The following CAPN6 variants were observed in gnomAD, a reference collection of about 807,000 sequenced individuals.
The protein encoded by CAPN6 is calpain 6, also known as calpain-6.
Under a neutral mutation model 46.0 loss-of-function variants are expected in CAPN6, and 16 were observed. The observed-to-expected ratio is 0.35, with a 90% confidence interval of 0.24 to 0.53. CAPN6 has a LOEUF of 0.53. Ranked by LOEUF, CAPN6 falls within the 20% of genes least tolerant of loss-of-function variation. CAPN6 has a pLI of 0.94. For synonymous variants in CAPN6, 206 were observed against 172.8 expected, an observed-to-expected ratio of 1.19 and a Z score of -1.51; for missense variants, 461 against 498.0, an observed-to-expected ratio of 0.93 and a Z score of 0.71.
chrX:111,252,598 C>T (rs989285198), intron 4 of CAPN6, 99 bp from the exon 5 acceptor site: 1 of 646,848 alleles, frequency 1.5e-6, no homozygotes, highest in Non-Finnish European at 2.3e-6. Context: ...TAGACTTTAC[C>T]AGATGGCTTT....
intron 1 of CAPN6, among the ~76,000 whole-genome samples, chrX:111,267,663 T>G (rs1156752258): frequency 4.5e-5 from 5 of 111,747 alleles, no homozygotes; most frequent in Non-Finnish European, 9.4e-5. Context: ...TGTCTGTGGT[T>G]CACAAGCCAC....
At chrX:111,256,626 C>T (rs997364248) in intron 2 of CAPN6, among the ~76,000 whole-genome samples, 1 of 111,322 alleles carries the variant, frequency 9.0e-6, no homozygotes, top group Non-Finnish European at 1.9e-5. Context: ...TTAGCCAACA[C>T]TTTTGGCATG....
Position 111,251,018 on chromosome X carries a change from G to A in CAPN6, c.1057C>T (p.Leu353=). 1 of 1,211,395 alleles carries A rather than the reference G, an allele frequency of 8.3e-7. No individual in the cohort carries two copies. Among genetic ancestry groups the A allele is most frequent in the Non-Finnish European group, 1.1e-6 (1 of 895,317 alleles). Residue 353 remains leucine, a synonymous_variant, in exon 8 of 13, where the codon CTG becomes TTG. Transcript: ENST00000324068. ...VNNPIFGRKE[L]ESVLGCWTVD... ...GTCCAGCATCCCAACACCGATTCCA[G>A]CTCCTTTCGGCCAAAAATAGGGTTG...
chrX:111,266,402 G>A (rs2094992026), intron 1 of CAPN6, among the ~76,000 whole-genome samples: 1 of 111,122 alleles, frequency 9.0e-6, no homozygotes, highest in African/African-American at 3.3e-5. Context: ...TAATGAGATG[G>A]TTGGTGTAAG....
rs1186766861 is a variant in CAPN6 at position 111,264,743 on chromosome X, A to G, written c.-15-792T>C. Among the ~76,000 whole-genome samples the G allele has an allele frequency of 8.1e-5, 9 of 110,688 alleles. No individual in the cohort carries two copies. In the Admixed American group the frequency reaches 8.6e-4, roughly 11 times the overall value. On this transcript the variant is annotated intron_variant, in intron 1 of 12. Transcript: ENST00000324068. ...AAAGGAGGAAAAACAAAAACCTTAC[A>G]TGGCTAAACAGAGAATTCATATAGT...
chrX:111,252,934 T>G, intron 4 of CAPN6, 74 bp downstream of exon 4: 6 of 890,738 alleles, frequency 6.7e-6, no homozygotes, highest in Non-Finnish European at 8.0e-6. Flanking sequence ...TGGGAGAGAA[T>G]GAGCTCCCAA....
At position 111,251,190 on chromosome X, in the gene CAPN6, T is replaced by C. The variant is rs2094979049; in HGVS notation, c.971+19A>G. On this transcript the variant is annotated intron_variant, in intron 7 of 12. Transcript: ENST00000324068. ...CATGTAGAAGCCCCAATTCCCTTAG[T>C]GCAGAAACCCCTCCTCACCAAAACT... is the stretch of plus-strand genomic sequence containing the variant. 2 of 1,205,616 alleles carry C rather than the reference T, an allele frequency of 1.7e-6. No individual in the cohort carries two copies. The highest frequency in any genetic ancestry group is 1.8e-5 in the South Asian group (1 of 56,402).
intron 2 of CAPN6, among the ~76,000 whole-genome samples, chrX:111,261,664 A>T (rs2094988027): frequency 1.8e-5 from 2 of 112,291 alleles, no homozygotes; most frequent in African/African-American, 6.5e-5. Context: ...GGCAAAGGAC[A>T]ATGGACTGAG....
At chrX:111,252,223 G>T in intron 5 of CAPN6, 84 bp downstream of exon 5, 1 of 796,711 alleles carries the variant, frequency 1.3e-6, no homozygotes, top group Non-Finnish European at 1.8e-6. Flanking sequence ...GGGTCTTCGG[G>T]TTAAGGGCGA....
At chrX:111,257,507 G>C (rs779377782) in intron 2 of CAPN6, among the ~76,000 whole-genome samples, 1 of 112,273 alleles carries the variant, frequency 8.9e-6, no homozygotes, top group South Asian at 3.7e-4. Flanking sequence ...GGCATTAAAA[G>C]ACTAGAAAGT....
Position 111,251,077 on chromosome X carries a change from T to A in CAPN6, c.998A>T (p.Asn333Ile), listed in dbSNP as rs748495687. The change falls in exon 8 of 13, where the codon AAC becomes ATC. Residue 333 changes from asparagine to isoleucine, a missense_variant. Asn to Ile is a moderately radical substitution (Grantham distance 149). Transcript: ENST00000324068. ...FWMSLEDFCR[N>I]FHKLNVCRNV... The stretch of plus-strand genomic sequence containing the variant: ...GCGGCAGACATTCAGTTTGTGAAAG[T>A]TGCGGCAAAAGTCCTCCAAGCTCAT... 1.1e-5 allele frequency: 13 copies of A among 1,211,022 alleles called. No homozygotes were observed. Among genetic ancestry groups the A allele is most frequent in the Non-Finnish European group, 1.5e-5 (13 of 895,388 alleles).
Position 111,267,403 on chromosome X carries a change from C to T in CAPN6, c.-16+2968G>A, listed in dbSNP as rs750449010. 6.3e-5 allele frequency among the ~76,000 whole-genome samples: 7 copies of T among 111,203 alleles called. No individual in the cohort carries two copies. The East Asian group carries it at 1.7e-3, about 27-fold the overall frequency. ...AAGAATATGAGGACAACCGTGTCTG[C>T]CAAGGCAAAGGATAGGAGCGGGCCC... On this transcript the variant is annotated intron_variant, in intron 1 of 12. Coordinates refer to ENST00000324068, the MANE Select transcript of CAPN6 (RefSeq NM_014289.4).
chrX:111,264,024 AAAC>A (rs1483582282), intron 1 of CAPN6, 73 bp from the exon 2 acceptor site: 2 of 672,665 alleles, frequency 3.0e-6, no homozygotes, highest in East Asian at 7.1e-5. Flanking sequence ...GAGATTAGAC[AAAC>A]AGCCGTCATC....
chrX:111,245,468 A>G lies in CAPN6; in HGVS notation c.*1109T>C, dbSNP rs1025382773. On this transcript the variant is annotated 3_prime_UTR_variant, in exon 13 of 13. Transcript: ENST00000324068. Reference sequence around the variant, plus strand: ...GTACTGAAAAATGAGAGGGCAAACAAACACCCCCAGCGAGTGAAGCATCCC... The same window carrying G: ...GTACTGAAAAATGAGAGGGCAAACAGACACCCCCAGCGAGTGAAGCATCCC... The G allele has an allele frequency of 1.8e-5, 2 of 111,613 alleles. No homozygotes were observed. The highest frequency in any genetic ancestry group is 4.7e-3 in the Middle Eastern group (1 of 214). The allele number at this position is 111,613 out of a possible 1,213,427, so 9.2% of individuals were successfully genotyped here.
At chrX:111,251,366 G>A in intron 6 of CAPN6, 80 bp from the exon 7 acceptor site, 12 of 1,007,504 alleles carry the variant, frequency 1.2e-5, no homozygotes, top group South Asian at 4.2e-5. Context: ...GGATGCCAGA[G>A]AAACAGAGTG....
intron 12 of CAPN6, among the ~76,000 whole-genome samples, chrX:111,246,966 T>C (rs1274130223): frequency 8.9e-6 from 1 of 111,988 alleles, no homozygotes; most frequent in Non-Finnish European, 1.9e-5. Flanking sequence ...CTCCGGGTCG[T>C]TCTTGACCTG....
chrX:111,246,029 A>AGTG lies in CAPN6; in HGVS notation c.*545_*547dup, dbSNP rs888056380. 2 of 113,208 alleles carry AGTG rather than the reference A, an allele frequency of 1.8e-5. No homozygotes were observed. Among genetic ancestry groups the AGTG allele is most frequent in the Admixed American group, 9.6e-5 (1 of 10,445 alleles). 9.3% of individuals were successfully genotyped at this position (113,208 alleles called of 1,213,427 possible). A position where few individuals can be genotyped will look rare whatever the true frequency, so the allele number is the denominator to read the frequency against. On this transcript the variant is annotated 3_prime_UTR_variant, in exon 13 of 13. Coordinates refer to ENST00000324068, the MANE Select transcript of CAPN6 (RefSeq NM_014289.4). Reference sequence around the variant, plus strand: ...CTTTCCGGAGGTGATGATGGTGGTGAGTGGTGGTGGTGGTGGTGGTCGTGG... The same window carrying AGTG: ...CTTTCCGGAGGTGATGATGGTGGTGAGTGGTGGTGGTGGTGGTGGTGGTCGTGG...
At chrX:111,258,493 C>T (rs1219780595) in intron 2 of CAPN6, among the ~76,000 whole-genome samples, 1 of 111,541 alleles carries the variant, frequency 9.0e-6, no homozygotes, top group Non-Finnish European at 1.9e-5. Context: ...TCCAAGTAGT[C>T]GTTATCTTAC....
At chrX:111,256,323 C>T (rs1004214709) in intron 2 of CAPN6, among the ~76,000 whole-genome samples, 16 of 109,711 alleles carry the variant, frequency 1.5e-4, no homozygotes, top group African/African-American at 5.3e-4. Flanking sequence ...CGCTTGAACC[C>T]GGGAGGCAGA....
Sources: gnomAD v4.1 joint callset for allele counts (sites outside exome capture counted in the v4.1 genomes callset) on GRCh38, gnomAD v4.1.1 for gene constraint, MANE v1.5 for transcripts, NCBI Gene and HGNC (gene_info 2026-07-23, HGNC 2026-07-21) for gene names.